CNGB3: variants seen among roughly 807,000 people sequenced by gnomAD.
CNGB3 encodes the protein cyclic nucleotide-gated channel beta-3.
In CNGB3, 86 loss-of-function variants were observed where a neutral mutation model predicts 92.8. That is an observed-to-expected ratio of 0.93 (90% CI 0.78 to 1.11). CNGB3 has a LOEUF of 1.11. CNGB3 is among the 50% of genes least tolerant of loss of function. The probability of loss-of-function intolerance (pLI) is 0.00; values close to 1 mark genes in which losing one functional copy is unlikely to be tolerated. For synonymous variants in CNGB3, 333 were observed against 332.7 expected (o/e 1.00, Z -0.01); for missense variants, 1,026 against 956.8 (o/e 1.07, Z -0.95).
At chr8:86,679,625 G>A (rs1563752022) in intron 3 of CNGB3, among the ~76,000 whole-genome samples, 1 of 151,718 alleles carries the variant, frequency 6.6e-6, no homozygotes, top group Non-Finnish European at 1.5e-5. Context: ...TCCTGGATTC[G>A]AGCAATTCTC....
intron 3 of CNGB3, among the ~76,000 whole-genome samples, chr8:86,718,382 A>G (rs1265322484): frequency 6.6e-6 from 1 of 152,202 alleles, no homozygotes; most frequent in African/African-American, 2.4e-5. Flanking sequence ...CAAGGCTACT[A>G]TGAACACCTT....
intron 3 of CNGB3, among the ~76,000 whole-genome samples, chr8:86,687,652 T>C (rs1824216236): frequency 6.6e-6 from 1 of 152,068 alleles, no homozygotes; most frequent in Non-Finnish European, 1.5e-5. Context: ...AATGCTACTG[T>C]GAATGTATAA....
At chr8:86,731,610 AT>A (rs1379451506) in intron 2 of CNGB3, among the ~76,000 whole-genome samples, 1 of 152,162 alleles carries the variant, frequency 6.6e-6, no homozygotes, top group African/African-American at 2.4e-5. Flanking sequence ...ATATATAGGT[AT>A]TAAGGAGTGT....
intron 3 of CNGB3, among the ~76,000 whole-genome samples, chr8:86,677,793 T>G (rs569678091): frequency 6.6e-6 from 1 of 152,274 alleles, no homozygotes; most frequent in African/African-American, 2.4e-5. Flanking sequence ...TTAAGAACAT[T>G]GGTTAGGGAG....
chr8:86,605,065 A>G (rs1005891972), intron 14 of CNGB3, among the ~76,000 whole-genome samples: 2 of 152,180 alleles, frequency 1.3e-5, no homozygotes, highest in Admixed American at 6.5e-5. Flanking sequence ...GGTCCACTGG[A>G]GAGAAAAATG....
chr8:86,679,104 G>C (rs1365501347), intron 3 of CNGB3, among the ~76,000 whole-genome samples: 1 of 152,016 alleles, frequency 6.6e-6, no homozygotes, highest in African/African-American at 2.4e-5. Flanking sequence ...TCTTGGGGAA[G>C]TTATGAGGTG....
At chr8:86,694,058 G>A (rs1448803879) in intron 3 of CNGB3, among the ~76,000 whole-genome samples, 21 of 87,666 alleles carry the variant, frequency 2.4e-4, no homozygotes, top group African/African-American at 7.0e-4. Flanking sequence ...CGGACGGGGC[G>A]GCTGGCCGGG....
intron 15 of CNGB3, among the ~76,000 whole-genome samples, chr8:86,599,771 G>A (rs1822251492): frequency 6.6e-6 from 1 of 152,270 alleles, no homozygotes; most frequent in East Asian, 1.9e-4. Flanking sequence ...CTCCTGATAA[G>A]ATGTTATCAA....
intron 6 of CNGB3, chr8:86,660,334 C>T: frequency 5.4e-6 from 2 of 369,486 alleles, no homozygotes; most frequent in South Asian, 4.2e-5. Flanking sequence ...TCAGCACGAT[C>T]CTGGCAACCA....
chr8:86,674,225 T>C (rs1367193106), intron 3 of CNGB3, among the ~76,000 whole-genome samples: 1 of 152,208 alleles, frequency 6.6e-6, no homozygotes, highest in African/African-American at 2.4e-5. Flanking sequence ...ATTTTTTCTT[T>C]CCCTGAATTA....
In CNGB3 at chr8:86,575,955, G is replaced by C; in HGVS notation, c.2279C>G (p.Pro760Arg). ...GTGGGGTTCTTCCTCCACTGCAATAGGACTTGCTGTACATTCAGGTCTGTC... is the reference window on the plus strand; with the variant it reads ...GTGGGGTTCTTCCTCCACTGCAATACGACTTGCTGTACATTCAGGTCTGTC... ...PLDRPECTAS[P>R]IAVEEEPHSV... The change falls in exon 18 of 18, where the codon CCT becomes CGT. Residue 760 changes from proline (P) to arginine (R), a missense_variant. Physicochemically the swap from Pro to Arg is moderately radical, Grantham distance 103 (BLOSUM62 -2). Transcript: ENST00000320005. 6.2e-7 allele frequency: 1 copy of C among 1,614,026 alleles called. No homozygotes were observed.
At chr8:86,729,112 T>G (rs547301980) in intron 2 of CNGB3, among the ~76,000 whole-genome samples, 1 of 152,062 alleles carries the variant, frequency 6.6e-6, no homozygotes, top group Non-Finnish European at 1.5e-5. Context: ...GGTTTTGCCA[T>G]GTTGTGCAGG....
chr8:86,703,188 T>A lies in CNGB3; in HGVS notation c.338+23343A>T, dbSNP rs78891037. ...TTTTTCTGTTAATTAGATTCCTACT[T>A]AAAACAAGACTAATTAATTTTTCAC... On this transcript the variant is annotated intron_variant, in intron 3 of 17. Coordinates refer to ENST00000320005, the MANE Select transcript of CNGB3 (RefSeq NM_019098.5). 9.2e-3 allele frequency among the ~76,000 whole-genome samples: 1,406 copies of A among 152,206 alleles called. 27 individuals carry two copies. The highest frequency in any genetic ancestry group is 0.032 in the African/African-American group (1,328 of 41,546).
At chr8:86,715,181 T>C (rs2131662403) in intron 3 of CNGB3, among the ~76,000 whole-genome samples, 1 of 152,166 alleles carries the variant, frequency 6.6e-6, no homozygotes, top group South Asian at 2.1e-4. Context: ...CTATACCCTA[T>C]AGTACTGCAG....
At chr8:86,667,909 A>G (rs918763494) in intron 5 of CNGB3, 110 bp downstream of exon 5, 1 of 1,174,814 alleles carries the variant, frequency 8.5e-7, no homozygotes, top group Non-Finnish European at 1.3e-6. Context: ...CTTCCTAGTT[A>G]GATTGAGAAT....
chr8:86,637,152 A>G (rs1161794879), intron 10 of CNGB3, among the ~76,000 whole-genome samples: 1 of 152,188 alleles, frequency 6.6e-6, no homozygotes, highest in Non-Finnish European at 1.5e-5. Flanking sequence ...GCTGGGTCAT[A>G]TGGTAGTTAT....
chr8:86,594,886 T>A (rs1162534693), intron 15 of CNGB3, among the ~76,000 whole-genome samples: 1 of 152,074 alleles, frequency 6.6e-6, no homozygotes, highest in Non-Finnish European at 1.5e-5. Flanking sequence ...TTTTTGTATA[T>A]ATATACATAT....
At chr8:86,694,620 C>T (rs1445425149) in intron 3 of CNGB3, among the ~76,000 whole-genome samples, 5 of 150,018 alleles carry the variant, frequency 3.3e-5, no homozygotes, top group African/African-American at 1.2e-4. Flanking sequence ...ACCTCCCAGA[C>T]AGGGTCGCGG....
At chr8:86,727,491 C>T (rs111836851) in intron 2 of CNGB3, among the ~76,000 whole-genome samples, 6,607 of 152,120 alleles carry the variant, frequency 0.043, 186 homozygotes, top group East Asian at 0.13. Context: ...ATGATACAAA[C>T]TAATATGTAC....
Sources: gnomAD v4.1 joint callset for allele counts (sites outside exome capture counted in the v4.1 genomes callset) on GRCh38, gnomAD v4.1.1 for gene constraint, MANE v1.5 for transcripts, NCBI Gene and HGNC (gene_info 2026-07-23, HGNC 2026-07-21) for gene names.